The following UBE2W variants were observed in gnomAD, a reference collection of about 807,000 sequenced individuals.
UBE2W encodes the protein ubiquitin conjugating enzyme E2 W, also known as ubiquitin-conjugating enzyme E2 W.
In UBE2W, 18 loss-of-function variants were observed where a neutral mutation model predicts 27.2. The ratio of observed to expected loss-of-function variants is 0.66; its 90% CI spans 0.46 to 0.98. The LOEUF (loss-of-function observed/expected upper bound fraction) is 0.98. Ranked by LOEUF, UBE2W falls within the 50% of genes least tolerant of loss-of-function variation. The pLI is 0.00. For missense variants in UBE2W, 90 were observed against 180.2 expected, an observed-to-expected ratio of 0.50 and a Z score of 2.87; for synonymous variants, 53 against 57.2, an observed-to-expected ratio of 0.93 and a Z score of 0.33.
chr8:73,851,965 A>ATTTT (rs1563620716), intron 1 of UBE2W, among the ~76,000 whole-genome samples: 22 of 131,442 alleles, frequency 1.7e-4, no homozygotes, highest in African/African-American at 7.9e-4. Flanking sequence ...TTTTTTTTTA[A>ATTTT]AAAAAAAAAA....
chr8:73,789,708 C>G lies in UBE2W; in HGVS notation c.*4394G>C, dbSNP rs1404081793. The G allele has an allele frequency of 5.6e-6, 1 of 177,494 alleles. No homozygotes were observed. The highest frequency in any genetic ancestry group is 1.1e-5 in the Non-Finnish European group (1 of 91,508). 11.0% of individuals were successfully genotyped at this position (177,494 alleles called of 1,614,324 possible). On this transcript the variant is annotated 3_prime_UTR_variant, in exon 6 of 6. Transcript: ENST00000602593. The stretch of plus-strand genomic sequence containing the variant: ...TAAAAATTAGTCAGGTGTGGCAGCA[C>G]ATGCCTGTAATCCCAGCTACTCAAG...
intron 1 of UBE2W, among the ~76,000 whole-genome samples, chr8:73,849,887 A>C (rs1299574335): frequency 6.6e-6 from 1 of 152,186 alleles, no homozygotes; most frequent in Non-Finnish European, 1.5e-5. Flanking sequence ...GTTAATATCA[A>C]GTGAAACAAA....
chr8:73,831,050 A>G, intron 1 of UBE2W: 1 of 198,434 alleles, frequency 5.0e-6, no homozygotes, highest in South Asian at 1.2e-4. Flanking sequence ...GGAACATGGA[A>G]ACTCCACATC....
intron 1 of UBE2W, among the ~76,000 whole-genome samples, chr8:73,851,440 G>A (rs112021998): frequency 0.016 from 2,387 of 152,168 alleles, 28 homozygotes; most frequent in Non-Finnish European, 0.025. Context: ...TTTTCAATGG[G>A]TGTTACTACT....
chr8:73,802,751 T>C (rs2046181), intron 5 of UBE2W, among the ~76,000 whole-genome samples: 148,507 of 152,186 alleles, frequency 0.98, 72,467 homozygotes, highest in African/African-American at 0.99. Flanking sequence ...TGGCCGGGTG[T>C]GGAGGCTCAT....
intron 1 of UBE2W, among the ~76,000 whole-genome samples, chr8:73,860,360 T>G (rs1213203976): frequency 6.6e-6 from 1 of 152,198 alleles, no homozygotes; most frequent in Non-Finnish European, 1.5e-5. Flanking sequence ...GAATCAGAGA[T>G]AAGGCAAGAA....
At chr8:73,855,389 ACTTT>A (rs1367266213) in intron 1 of UBE2W, among the ~76,000 whole-genome samples, 143 of 136,504 alleles carry the variant, frequency 1.0e-3, no homozygotes, top group African/African-American at 3.2e-3. Flanking sequence ...TTTATATTCT[ACTTT>A]CTTTTTTTTT....
At chr8:73,845,158 C>T (rs1019172495) in intron 1 of UBE2W, among the ~76,000 whole-genome samples, 5 of 152,184 alleles carry the variant, frequency 3.3e-5, no homozygotes, top group Non-Finnish European at 7.4e-5. Flanking sequence ...CCCGGCCGCC[C>T]TGTCTGTGAA....
In UBE2W at chr8:73,787,614, CCAG is replaced by C. The variant is rs1463045080; in HGVS notation, c.*6485_*6487del. 12 of 985,274 alleles carry C rather than the reference CCAG, an allele frequency of 1.2e-5. No individual in the cohort carries two copies. The highest frequency in any genetic ancestry group is 1.4e-5 in the Non-Finnish European group (12 of 829,932). The allele number at this position is 985,274 out of a possible 1,614,324, so 61.0% of individuals were successfully genotyped here. ...TCCCCTGCAGAAAAGCTTAGAATTA[CCAG>C]CAGAGCATATTTAATTCCTCCTGTC... On this transcript the variant is annotated 3_prime_UTR_variant, in exon 6 of 6. Coordinates refer to ENST00000602593, the MANE Select transcript of UBE2W (RefSeq NM_018299.6).
intron 3 of UBE2W, among the ~76,000 whole-genome samples, chr8:73,821,198 T>C (rs1325672482): frequency 6.6e-6 from 1 of 152,082 alleles, no homozygotes; most frequent in African/African-American, 2.4e-5. Flanking sequence ...AACTAGGTAT[T>C]AAAACGTGAA....
At chr8:73,876,905 T>A (rs922248458) in intron 1 of UBE2W, among the ~76,000 whole-genome samples, 8 of 152,112 alleles carry the variant, frequency 5.3e-5, no homozygotes, top group Non-Finnish European at 1.2e-4. Context: ...AGGTGGAGGC[T>A]GCGGTGAGCC....
At chr8:73,799,305 G>GC (rs778988780) in intron 5 of UBE2W, among the ~76,000 whole-genome samples, 1 of 151,902 alleles carries the variant, frequency 6.6e-6, no homozygotes, top group Non-Finnish European at 1.5e-5. Context: ...ACAGTGACTG[G>GC]CCTAATTCTT....
Position 73,788,210 on chromosome 8 carries a change from A to G in UBE2W, c.*5892T>C. The G allele has an allele frequency of 3.2e-6, 3 of 939,924 alleles. No individual in the cohort carries two copies. In the African/African-American group the frequency reaches 5.3e-5, roughly 17 times the overall value. The allele number at this position is 939,924 out of a possible 1,614,324, so 58.2% of individuals were successfully genotyped here. ...TGCATTCAACTAACAAGTCTGATAC[A>G]TGTATTAAAAAATATATAACATAGA... On this transcript the variant is annotated 3_prime_UTR_variant, in exon 6 of 6. Coordinates refer to ENST00000602593, the MANE Select transcript of UBE2W (RefSeq NM_018299.6).
intron 3 of UBE2W, among the ~76,000 whole-genome samples, chr8:73,815,227 T>C (rs1809337017): frequency 6.6e-6 from 1 of 152,000 alleles, no homozygotes; most frequent in Non-Finnish European, 1.5e-5. Context: ...AAATAGTAAC[T>C]AGCCGCATGT....
At chr8:73,847,304 A>C (rs1407330922) in intron 1 of UBE2W, among the ~76,000 whole-genome samples, 1 of 152,226 alleles carries the variant, frequency 6.6e-6, no homozygotes, top group African/African-American at 2.4e-5. Flanking sequence ...TTAAAGCCAC[A>C]CTACAATAAG....
chr8:73,858,935 A>T (rs1586534873), intron 1 of UBE2W, among the ~76,000 whole-genome samples: 2 of 121,934 alleles, frequency 1.6e-5, no homozygotes, highest in Admixed American at 8.5e-5. Flanking sequence ...CTTTTTGGTG[A>T]GTCTTCTAAA....
intron 1 of UBE2W, among the ~76,000 whole-genome samples, chr8:73,877,484 C>G (rs1812281063): frequency 6.6e-6 from 1 of 151,680 alleles, no homozygotes; most frequent in Non-Finnish European, 1.5e-5. Flanking sequence ...AGGGGAATAA[C>G]ATAAAAGCAC....
At chr8:73,869,174 G>A (rs748322997) in intron 1 of UBE2W, among the ~76,000 whole-genome samples, 2 of 152,120 alleles carry the variant, frequency 1.3e-5, no homozygotes, top group Non-Finnish European at 2.9e-5. Context: ...GCCAGTCATC[G>A]CAACACTTTG....
Position 73,844,221 on chromosome 8 carries a change from G to A in UBE2W, c.16-13749C>T, listed in dbSNP as rs534828503. ...CAAGCCAAGGCTGGACTGTACTGCC[G>A]CCATCTCAACTCACTGCAACCTCCC... On this transcript the variant is annotated intron_variant, in intron 1 of 5. Coordinates refer to ENST00000602593, the MANE Select transcript of UBE2W (RefSeq NM_018299.6). 7.8e-4 allele frequency among the ~76,000 whole-genome samples: 96 copies of A among 122,994 alleles called. 4 individuals carry two copies. The South Asian group carries it at 0.025, about 32-fold the overall frequency. 80.7% of individuals were successfully genotyped at this position (122,994 alleles called of 152,430 possible). A position where few individuals can be genotyped will look rare whatever the true frequency, so the allele number is the denominator to read the frequency against.
Sources: gnomAD v4.1 joint callset for allele counts (sites outside exome capture counted in the v4.1 genomes callset) on GRCh38, gnomAD v4.1.1 for gene constraint, MANE v1.5 for transcripts, NCBI Gene and HGNC (gene_info 2026-07-23, HGNC 2026-07-21) for gene names.